PWWP2A: variants seen among roughly 807,000 people sequenced by gnomAD.
PWWP2A encodes PWWP domain containing 2A, also known as PWWP domain-containing protein 2A.
In PWWP2A, 18 loss-of-function variants were observed where a neutral mutation model predicts 48.5. That is an observed-to-expected ratio of 0.37 (90% CI 0.26 to 0.55). The LOEUF (loss-of-function observed/expected upper bound fraction) is 0.55. PWWP2A is among the 20% of genes least tolerant of loss of function. The probability of loss-of-function intolerance (pLI) is 0.81; values close to 1 mark genes in which losing one functional copy is unlikely to be tolerated. For missense variants in PWWP2A, 867 were observed against 976.4 expected, an observed-to-expected ratio of 0.89 and a Z score of 1.49; for synonymous variants, 396 against 387.7, an observed-to-expected ratio of 1.02 and a Z score of -0.25.
Position 160,119,057 on chromosome 5 carries a change from G to C in PWWP2A, c.332C>G (p.Pro111Arg). 6.3e-7 allele frequency: 1 copy of C among 1,592,054 alleles called. No homozygotes were observed. Among genetic ancestry groups the C allele is most frequent in the Non-Finnish European group, 8.5e-7 (1 of 1,176,420 alleles). ...ESAAAAPQGG[P>R]ELPPSPASPP... ...CGATGCAGGAGAAGGTGGAAGTTCC[G>C]GCCCTCCCTGAGGCGCGGCTGCCGC... Residue 111 changes from proline (P) to arginine (R), a missense_variant, in exon 1 of 2, where the codon CCG becomes CGG. By Grantham distance (103) the Pro-to-Arg change is moderately radical. This residue lies in a region of PWWP2A where 385 missense variants were observed against 396.9 expected (regional missense o/e 0.97). Transcript: ENST00000307063.
chr5:160,057,851 C>T (rs1318679174), downstream of PWWP2A, among the ~76,000 whole-genome samples: 1 of 152,096 alleles, frequency 6.6e-6, no homozygotes, highest in African/African-American at 2.4e-5. The surrounding 1 kb of genome is among the most constrained non-coding windows in gnomAD (Gnocchi z 4.4). Context: ...TCACTGCAAC[C>T]CCGCCTCCTG....
the PWWP2A span, chr5:160,049,485 G>T: frequency 1.3e-6 from 2 of 1,539,168 alleles, no homozygotes; most frequent in South Asian, 2.5e-5. Context: ...TTTTCTTTGT[G>T]ATAAAAATTA....
chr5:160,106,625 T>G (rs1756922722), intron 1 of PWWP2A, among the ~76,000 whole-genome samples: 2 of 152,108 alleles, frequency 1.3e-5, no homozygotes, highest in African/African-American at 4.8e-5. Flanking sequence ...CTATAGTAAG[T>G]CAACTACATA....
In PWWP2A at chr5:160,093,545, G is replaced by C; in HGVS notation, c.1105C>G (p.His369Asp). The C allele has an allele frequency of 6.2e-7, 1 of 1,613,466 alleles. No individual in the cohort carries two copies. The highest frequency in any genetic ancestry group is 8.5e-7 in the Non-Finnish European group (1 of 1,179,778). ...TTTTGGTTTTTCCCATCCACTTTAT[G>C]GTCAGTTTTCAGTTTTTTGTTCACA... is the stretch of plus-strand genomic sequence containing the variant. Reference protein sequence around the residue: ...TTVNKKLKTDHKVDGKNQNES... With the variant: ...TTVNKKLKTDDKVDGKNQNES... Residue 369 changes from histidine to aspartate, a missense_variant, in exon 2 of 2, where the codon CAT becomes GAT. His to Asp is a moderately conservative substitution (Grantham distance 81). This residue lies in a region of PWWP2A where 382 missense variants were observed against 407.2 expected (regional missense o/e 0.94). Coordinates refer to ENST00000307063, the MANE Select transcript of PWWP2A (RefSeq NM_001130864.2). This position sits in a 1 kb window ranked among gnomAD's most constrained non-coding sequence, Gnocchi z 5.8.
chr5:160,044,478 G>A, the PWWP2A span, among the ~76,000 whole-genome samples: 1 of 152,222 alleles, frequency 6.6e-6, no homozygotes, highest in Non-Finnish European at 1.5e-5. Context: ...CAAGAATGGG[G>A]CAGAGATTTC....
chr5:160,100,409 G>C (rs988355597), intron 1 of PWWP2A, among the ~76,000 whole-genome samples: 2 of 152,092 alleles, frequency 1.3e-5, no homozygotes, highest in Non-Finnish European at 2.9e-5. Context: ...AGGATTGCTT[G>C]AGCCATGATT....
At chr5:160,058,108 A>G (rs1007760384), downstream of PWWP2A, among the ~76,000 whole-genome samples, 5 of 152,210 alleles carry the variant, frequency 3.3e-5, no homozygotes, top group Admixed American at 6.5e-5. Context: ...CACTTCAACA[A>G]TGTTCACAAC....
downstream of PWWP2A, among the ~76,000 whole-genome samples, chr5:160,071,524 C>G (rs549708642): frequency 1.3e-4 from 20 of 152,298 alleles, no homozygotes; most frequent in South Asian, 4.1e-4. Context: ...ATGATTAAGA[C>G]AGTTGTGCAA....
Position 160,119,422 on chromosome 5 carries a change from C to G in PWWP2A, c.-34G>C. 7.4e-7 allele frequency: 1 copy of G among 1,353,754 alleles called. No homozygotes were observed. The highest frequency in any genetic ancestry group is 9.4e-7 in the Non-Finnish European group (1 of 1,058,686). The allele number at this position is 1,353,754 out of a possible 1,614,324, so 83.9% of individuals were successfully genotyped here. On this transcript the variant is annotated 5_prime_UTR_variant, in exon 1 of 2. Coordinates refer to ENST00000307063, the MANE Select transcript of PWWP2A (RefSeq NM_001130864.2). The stretch of plus-strand genomic sequence containing the variant: ...TAGCTTCTCCCTCCTCCAACTCCGG[C>G]TGCAGCGGCGGCGGCGACAGCGCTG...
At chr5:160,056,979 T>C (rs1236974610), downstream of PWWP2A, among the ~76,000 whole-genome samples, 2 of 149,828 alleles carry the variant, frequency 1.3e-5, no homozygotes, top group Non-Finnish European at 3.0e-5. Context: ...AACCCAGTCT[T>C]TTTTTTTTTC....
intron 1 of PWWP2A, among the ~76,000 whole-genome samples, chr5:160,114,729 C>T (rs1398385462): frequency 6.7e-6 from 1 of 148,966 alleles, no homozygotes; most frequent in Non-Finnish European, 1.5e-5. Context: ...TGCCATTGCA[C>T]TCCAGCCTAG....
chr5:160,092,257 A>C lies in PWWP2A; in HGVS notation c.*125T>G. The C allele has an allele frequency of 7.0e-7, 1 of 1,423,114 alleles. No homozygotes were observed. Among genetic ancestry groups the C allele is most frequent in the Non-Finnish European group, 9.2e-7 (1 of 1,089,162 alleles). The allele number at this position is 1,423,114 out of a possible 1,614,324, so 88.2% of individuals were successfully genotyped here. ...AAATGGCTATAAGGTAAGTATTAAAAAGCCAGCCAACTGAGTGCAACTTCT... is the reference window on the plus strand; with the variant it reads ...AAATGGCTATAAGGTAAGTATTAAACAGCCAGCCAACTGAGTGCAACTTCT... On this transcript the variant is annotated 3_prime_UTR_variant, in exon 2 of 2. Coordinates refer to ENST00000307063, the MANE Select transcript of PWWP2A (RefSeq NM_001130864.2).
chr5:160,072,746 T>TA (rs577584000), downstream of PWWP2A, among the ~76,000 whole-genome samples: 6 of 146,728 alleles, frequency 4.1e-5, no homozygotes, highest in South Asian at 4.4e-4. Context: ...AATAAATAAA[T>TA]AATAAAACAA....
At chr5:160,118,598 C>T (rs1009388532) in intron 1 of PWWP2A, among the ~76,000 whole-genome samples, 5 of 151,742 alleles carry the variant, frequency 3.3e-5, no homozygotes, top group Non-Finnish European at 7.4e-5. Flanking sequence ...GCACACCTGC[C>T]CCGCAGGCGC....
rs70987999 is a variant in PWWP2A, at chr5:160,097,336, C to CAAAA, written c.585-3275_585-3272dup. Among the ~76,000 whole-genome samples the CAAAA allele has an allele frequency of 8.4e-4, 29 of 34,364 alleles. 3 individuals are homozygous for CAAAA. Among genetic ancestry groups the CAAAA allele is most frequent in the South Asian group, 3.9e-3 (2 of 510 alleles). The allele number at this position is 34,364 out of a possible 152,430, so 22.5% of individuals were successfully genotyped here. On this transcript the variant is annotated intron_variant, in intron 1 of 1. Transcript: ENST00000307063. ...TGAGCAAGTGAGTAAGCCTTTGTCT[C>CAAAA]AAAAAAAAAAAAAAAAAAAAAAAAA...
In PWWP2A at chr5:160,077,401, C is replaced by G. The variant is rs1436715424; in HGVS notation, c.*754G>C. On this transcript the variant is annotated 3_prime_UTR_variant, in exon 4 of 4. Transcript: ENST00000456329. This position sits in a 1 kb window ranked among gnomAD's most constrained non-coding sequence, Gnocchi z 4.2. ...CACTCCAATATCAACACTAGCCTAT[C>G]CACTTTGAGTCAAAATTTGAAAGGT... The G allele has an allele frequency of 6.6e-6, 1 of 152,164 alleles. No individual in the cohort carries two copies. The highest frequency in any genetic ancestry group is 1.5e-5 in the Non-Finnish European group (1 of 68,034). The allele number at this position is 152,164 out of a possible 1,614,324, so 9.4% of individuals were successfully genotyped here.
the PWWP2A span, among the ~76,000 whole-genome samples, chr5:160,053,161 G>A: frequency 6.6e-6 from 1 of 152,136 alleles, no homozygotes; most frequent in African/African-American, 2.4e-5. Flanking sequence ...ATTCCCTAGA[G>A]GCTAGACATT....
chr5:160,073,747 G>A (rs1312499305), downstream of PWWP2A, among the ~76,000 whole-genome samples: 1 of 152,118 alleles, frequency 6.6e-6, no homozygotes, highest in Non-Finnish European at 1.5e-5. Flanking sequence ...TGGTACCAAA[G>A]CAAAGGAATT....
At chr5:160,056,628 T>G in the PWWP2A span, among the ~76,000 whole-genome samples, 1 of 151,960 alleles carries the variant, frequency 6.6e-6, no homozygotes, top group Non-Finnish European at 1.5e-5. Flanking sequence ...GAGGCTAAGG[T>G]GGGAGGATTG....
Sources: gnomAD v4.1 joint callset for allele counts (sites outside exome capture counted in the v4.1 genomes callset) on GRCh38, gnomAD v4.1.1 for gene constraint, gnomAD v4.1.1 regional missense constraint, Gnocchi (gnomAD v3.1) non-coding constraint, MANE v1.5 for transcripts, NCBI Gene and HGNC (gene_info 2026-07-23, HGNC 2026-07-21) for gene names.